Variants in DPP6 observed in about 807,000 individuals in gnomAD.
DPP6 encodes A-type potassium channel modulatory protein DPP6.
DPP6 carries 69 observed loss-of-function variants against 122.6 expected under a neutral mutation model. The observed-to-expected ratio is 0.56, with a 90% CI of 0.46 to 0.69. The LOEUF is 0.69. Ranked by LOEUF, DPP6 falls within the 30% of genes least tolerant of loss-of-function variation. The pLI, the probability that DPP6 is intolerant of heterozygous loss-of-function variation, is 0.00. For synonymous variants in DPP6, 418 were observed against 433.1 expected, an observed-to-expected ratio of 0.97 and a Z score of 0.43; for missense variants, 928 against 1,116.9, an observed-to-expected ratio of 0.83 and a Z score of 2.41.
At chr7:153,904,299 G>A (rs1392134774) in intron 1 of DPP6, among the ~76,000 whole-genome samples, 4 of 152,152 alleles carry the variant, frequency 2.6e-5, no homozygotes, top group Non-Finnish European at 4.4e-5. Context: ...TGATATGCCC[G>A]CCTCAGCCTC....
At chr7:153,964,913 C>CCTTTCTTTCTTTCTTTCTTT (rs66803093) in intron 1 of DPP6, among the ~76,000 whole-genome samples, 1,308 of 113,344 alleles carry the variant, frequency 0.012, 37 homozygotes, top group East Asian at 0.028. Flanking sequence ...CTTTTCTTTT[C>CCTTTCTTTCTTTCTTTCTTT]CTTTCTTTCT....
intron 1 of DPP6, among the ~76,000 whole-genome samples, chr7:154,272,055 T>C (rs1803829991): frequency 6.6e-6 from 1 of 152,216 alleles, no homozygotes; most frequent in East Asian, 1.9e-4. Flanking sequence ...CATCCTGAAA[T>C]AATCAATGTA....
At chr7:154,587,510 G>T in intron 5 of DPP6, 1 of 872,246 alleles carries the variant, frequency 1.1e-6, no homozygotes, top group Non-Finnish European at 1.7e-6. Flanking sequence ...TTGTACCTCT[G>T]CTTGAAGACC....
intron 2 of DPP6, among the ~76,000 whole-genome samples, chr7:154,467,087 C>T (rs933731901): frequency 6.6e-6 from 1 of 152,198 alleles, no homozygotes; most frequent in Admixed American, 6.5e-5. Flanking sequence ...AAAAAGGAGT[C>T]ACTAGTTCCA....
chr7:154,588,187 C>A (rs1832594735), intron 5 of DPP6: 1 of 1,498,354 alleles, frequency 6.7e-7, no homozygotes, highest in Non-Finnish European at 8.9e-7. Context: ...CCATCCTATC[C>A]CTGGTCACTG....
At position 154,175,721 on chromosome 7, in the gene DPP6, C is replaced by CTTT. The variant is rs34496609; in HGVS notation, c.243+122672_243+122674dup. Among the ~76,000 whole-genome samples, 473 of 135,898 alleles carry CTTT rather than the reference C, an allele frequency of 3.5e-3. 17 individuals are homozygous for CTTT. The highest frequency in any genetic ancestry group is 0.011 in the East Asian group (48 of 4,534). 89.2% of individuals were successfully genotyped at this position (135,898 alleles called of 152,430 possible). A position where few individuals can be genotyped will look rare whatever the true frequency, so the allele number is the denominator to read the frequency against. ...GCTATTTATTCTTACTGGAGACTGG[C>CTTT]TTTTTTTTTTTTTTTTGAGGCGGAG... On this transcript the variant is annotated intron_variant, in intron 1 of 25. Transcript: ENST00000377770.
chr7:154,665,522 A>C (rs942665069), intron 6 of DPP6, among the ~76,000 whole-genome samples: 3 of 152,128 alleles, frequency 2.0e-5, no homozygotes, highest in Admixed American at 6.5e-5. Context: ...CTGGTTTCCT[A>C]AAATATTCCT....
chr7:154,640,320 TA>T (rs1405188742), intron 6 of DPP6, among the ~76,000 whole-genome samples: 23 of 152,162 alleles, frequency 1.5e-4, no homozygotes, highest in Non-Finnish European at 2.8e-4. Flanking sequence ...GTGATAGCTA[TA>T]AAGATGAGAT....
chr7:154,382,237 G>C (rs1159822776), intron 1 of DPP6, among the ~76,000 whole-genome samples: 1 of 151,964 alleles, frequency 6.6e-6, no homozygotes, highest in Non-Finnish European at 1.5e-5. Context: ...ACCCAGGCTG[G>C]AGTGCAGTGC....
At chr7:154,673,640 A>G (rs1015258289) in intron 7 of DPP6, among the ~76,000 whole-genome samples, 2 of 152,194 alleles carry the variant, frequency 1.3e-5, no homozygotes, top group Admixed American at 6.5e-5. Context: ...CTGAGGACCC[A>G]GGATGTGATC....
intron 6 of DPP6, among the ~76,000 whole-genome samples, chr7:154,653,123 G>C (rs371006791): frequency 5.3e-5 from 8 of 152,300 alleles, no homozygotes; most frequent in African/African-American, 1.2e-4. Context: ...TTACTGAAAG[G>C]CAGGAGGAAA....
chr7:154,496,812 G>A (rs77664681), intron 3 of DPP6, among the ~76,000 whole-genome samples: 2 of 152,322 alleles, frequency 1.3e-5, no homozygotes, highest in East Asian at 1.9e-4. Flanking sequence ...AAGTGTTCAC[G>A]TGACACCTGC....
At chr7:154,622,650 A>G (rs1834767638) in intron 5 of DPP6, among the ~76,000 whole-genome samples, 1 of 152,208 alleles carries the variant, frequency 6.6e-6, no homozygotes, top group Non-Finnish European at 1.5e-5. Context: ...CTGTAGATAC[A>G]CGTGGATACC....
At chr7:154,217,676 A>G (rs1800080988) in intron 1 of DPP6, among the ~76,000 whole-genome samples, 1 of 152,240 alleles carries the variant, frequency 6.6e-6, no homozygotes, top group Non-Finnish European at 1.5e-5. Context: ...CTATTAAGAA[A>G]TGGACAGGTC....
intron 5 of DPP6, among the ~76,000 whole-genome samples, chr7:154,567,720 G>T (rs1215887161): frequency 1.3e-5 from 2 of 152,186 alleles, no homozygotes; most frequent in African/African-American, 4.8e-5. Context: ...AGAGTTTCCT[G>T]GTGCTTCTGT....
intron 1 of DPP6, among the ~76,000 whole-genome samples, chr7:154,127,638 C>CACAG (rs1554470628): frequency 2.2e-3 from 235 of 109,154 alleles, no homozygotes; most frequent in African/African-American, 9.2e-3. Flanking sequence ...CACACAGACA[C>CACAG]ACACACACAC....
At chr7:154,271,615 C>T (rs1402172402) in intron 1 of DPP6, among the ~76,000 whole-genome samples, 6 of 152,114 alleles carry the variant, frequency 3.9e-5, no homozygotes, top group African/African-American at 1.4e-4. Flanking sequence ...TGTACCTGCT[C>T]AGTGGGACCA....
intron 1 of DPP6, among the ~76,000 whole-genome samples, chr7:154,427,911 A>G (rs1431410950): frequency 6.6e-6 from 1 of 152,270 alleles, no homozygotes. Flanking sequence ...TCAAACCAGC[A>G]GAACATTTTA....
chr7:153,951,974 C>T (rs757472209), intron 1 of DPP6, among the ~76,000 whole-genome samples: 1 of 152,150 alleles, frequency 6.6e-6, no homozygotes, highest in Non-Finnish European at 1.5e-5. Context: ...ACCCGGGAAG[C>T]GGAGGTTGCA....
Sources: allele counts gnomAD v4.1 joint callset (sites outside exome capture counted in the v4.1 genomes callset), GRCh38; gene constraint gnomAD v4.1.1; transcripts MANE v1.5; gene names NCBI Gene and HGNC (gene_info 2026-07-23, HGNC 2026-07-21).